TMEM63C: variants seen among roughly 807,000 people sequenced by gnomAD.
TMEM63C encodes transmembrane protein 63C.
Under a neutral mutation model 99.2 loss-of-function variants are expected in TMEM63C, and 32 were observed. The ratio of observed to expected loss-of-function variants is 0.32; its 90% CI spans 0.24 to 0.43. The LOEUF is 0.43. TMEM63C is among the 20% of genes least tolerant of loss of function. TMEM63C has a pLI of 1.00. For missense variants in TMEM63C, 826 were observed against 1,053.0 expected (o/e 0.78, Z 2.98); for synonymous variants, 376 against 397.9 (o/e 0.94, Z 0.66).
At position 77,244,256 on chromosome 14, in the gene TMEM63C, C is replaced by T. The variant is rs1159768818; in HGVS notation, c.1342-93C>T. On this transcript the variant is annotated intron_variant, in intron 15 of 23. Coordinates refer to ENST00000298351, the MANE Select transcript of TMEM63C (RefSeq NM_020431.4). ...CCCTTGCAGCCTCCAGGAGAGCAAG[C>T]CAGCCCTGGGAGTGAGTGGGAGGAG... 5 of 994,792 alleles carry T rather than the reference C, an allele frequency of 5.0e-6. No individual in the cohort carries two copies. The East Asian group carries it at 7.2e-5, about 14-fold the overall frequency. The allele number at this position is 994,792 out of a possible 1,614,324, so 61.6% of individuals were successfully genotyped here. A position where few individuals can be genotyped will look rare whatever the true frequency, so the allele number is the denominator to read the frequency against.
At chr14:77,197,163 G>A (rs1472959550) in intron 1 of TMEM63C, among the ~76,000 whole-genome samples, 1 of 152,238 alleles carries the variant, frequency 6.6e-6, no homozygotes, top group African/African-American at 2.4e-5. Context: ...CTATTTGAGA[G>A]TGTCTCAAAT....
At chr14:77,182,678 T>G (rs2540895) in intron 1 of TMEM63C, among the ~76,000 whole-genome samples, 9,554 of 152,204 alleles carry the variant, frequency 0.063, 384 homozygotes, top group East Asian at 0.1. Flanking sequence ...TCCCTGAGAA[T>G]GCAGGGAGTT....
chr14:77,182,008 GCTTT>G (rs1887922992), intron 1 of TMEM63C, 114 bp downstream of exon 1: 1 of 152,556 alleles, frequency 6.6e-6, no homozygotes, highest in African/African-American at 2.4e-5. Flanking sequence ...TTGTTTCTGT[GCTTT>G]CTGAGACCTT....
chr14:77,244,239 G>A, intron 15 of TMEM63C, 110 bp from the exon 16 acceptor site: 1 of 821,340 alleles, frequency 1.2e-6, no homozygotes, highest in Non-Finnish European at 2.0e-6. Flanking sequence ...GCCCCTTGCA[G>A]CCTCCAGGAG....
intron 1 of TMEM63C, among the ~76,000 whole-genome samples, chr14:77,191,459 C>T (rs1594848176): frequency 1.4e-5 from 2 of 145,076 alleles, no homozygotes; most frequent in South Asian, 4.4e-4. Context: ...TTGCATATGT[C>T]TATTAGGTAC....
At chr14:77,226,379 G>T (rs1005619070) in intron 6 of TMEM63C, among the ~76,000 whole-genome samples, 2 of 152,198 alleles carry the variant, frequency 1.3e-5, no homozygotes, top group South Asian at 2.1e-4. Context: ...AGCTTAATGC[G>T]TTTACTGAGC....
At chr14:77,194,528 TC>T (rs1888175372) in intron 1 of TMEM63C, among the ~76,000 whole-genome samples, 1 of 41,376 alleles carries the variant, frequency 2.4e-5, no homozygotes, top group African/African-American at 1.2e-4. Flanking sequence ...TTTCTTTCTT[TC>T]TTTCTTTCTT....
Position 77,248,892 on chromosome 14 carries a change from T to A in TMEM63C, c.1870+20T>A. ...CTTTTGGTGAGTCATCTCCAAGGCA[T>A]GCCCAAGGGCTGCACATCCGCAGAT... is the stretch of plus-strand genomic sequence containing the variant. On this transcript the variant is annotated intron_variant, in intron 20 of 23. Coordinates refer to ENST00000298351, the MANE Select transcript of TMEM63C (RefSeq NM_020431.4). 1 of 1,595,686 alleles carries A rather than the reference T, an allele frequency of 6.3e-7. No individual in the cohort carries two copies. Among genetic ancestry groups the A allele is most frequent in the Non-Finnish European group, 8.6e-7 (1 of 1,163,216 alleles).
chr14:77,232,757 G>C (rs1302358735), intron 7 of TMEM63C, among the ~76,000 whole-genome samples: 1 of 152,200 alleles, frequency 6.6e-6, no homozygotes, highest in Non-Finnish European at 1.5e-5. Flanking sequence ...TCATGAAGCT[G>C]AATGGAGCTG....
At chr14:77,224,158 C>T (rs1888775173) in intron 5 of TMEM63C, among the ~76,000 whole-genome samples, 2 of 152,036 alleles carry the variant, frequency 1.3e-5, no homozygotes, top group African/African-American at 4.8e-5. Flanking sequence ...CAACCCAACA[C>T]AGGGAAGGGG....
chr14:77,206,395 G>A (rs1338911297), intron 1 of TMEM63C, among the ~76,000 whole-genome samples: 1 of 152,200 alleles, frequency 6.6e-6, no homozygotes, highest in Non-Finnish European at 1.5e-5. Context: ...CTGACCTGGG[G>A]TGGAGCAGGG....
chr14:77,205,837 C>G (rs1261771666), intron 1 of TMEM63C, among the ~76,000 whole-genome samples: 1 of 151,322 alleles, frequency 6.6e-6, no homozygotes, highest in Non-Finnish European at 1.5e-5. Context: ...GGGAGCTGTG[C>G]AGAAGCTCGG....
At chr14:77,209,232 A>G (rs754717419) in intron 1 of TMEM63C, among the ~76,000 whole-genome samples, 3 of 152,194 alleles carry the variant, frequency 2.0e-5, no homozygotes, top group Non-Finnish European at 4.4e-5. Context: ...GATAAACAAT[A>G]GAGCCAGATT....
intron 16 of TMEM63C, 146 bp downstream of exon 16, chr14:77,244,601 C>A: frequency 3.0e-6 from 2 of 662,704 alleles, no homozygotes; most frequent in East Asian, 2.6e-5. Flanking sequence ...TGAAACCATC[C>A]CCAAAGACCA....
intron 1 of TMEM63C, among the ~76,000 whole-genome samples, chr14:77,202,861 ACACACGCACACACACC>A (rs1566618344): frequency 2.8e-5 from 2 of 70,396 alleles, no homozygotes; most frequent in East Asian, 1.3e-3. Context: ...ACACACACAC[ACACACGCACACACACC>A]CCTCTACCTG....
intron 1 of TMEM63C, among the ~76,000 whole-genome samples, chr14:77,210,609 AGAGTAAACCTCACT>A (rs1393688185): frequency 6.6e-6 from 1 of 152,028 alleles, no homozygotes; most frequent in Admixed American, 6.5e-5. Flanking sequence ...CCTAGCCATG[AGAGTAAACCTCACT>A]GAGAGGGGGT....
In TMEM63C at chr14:77,244,426, C is replaced by G. The variant is rs1889234832; in HGVS notation, c.1419C>G (p.Phe473Leu). Reference sequence around the variant, plus strand: ...TGATACTGCCTCTGATTGTCTACTTCTCCGCCTTCCTCGAGGCCCACTGGA... The same window carrying G: ...TGATACTGCCTCTGATTGTCTACTTGTCCGCCTTCCTCGAGGCCCACTGGA... Reference protein sequence around the residue: ...FTVILPLIVYFSAFLEAHWTR... With the variant: ...FTVILPLIVYLSAFLEAHWTR... Residue 473 changes from phenylalanine (F) to leucine (L), a missense_variant, in exon 16 of 24, where the codon TTC becomes TTG. Phe to Leu is a conservative substitution (Grantham distance 22). Coordinates refer to ENST00000298351, the MANE Select transcript of TMEM63C (RefSeq NM_020431.4). The G allele has an allele frequency of 6.2e-7, 1 of 1,613,936 alleles. No homozygotes were observed. The highest frequency in any genetic ancestry group is 1.1e-5 in the South Asian group (1 of 91,086).
chr14:77,256,481 C>T (rs1221111189), intron 23 of TMEM63C, 45 bp from the exon 24 acceptor site: 1 of 1,600,258 alleles, frequency 6.2e-7, no homozygotes, highest in Admixed American at 1.7e-5. Flanking sequence ...AGGGCCTTGC[C>T]CCCAACGTGA....
chr14:77,247,222 A>G (rs985911258), intron 18 of TMEM63C, among the ~76,000 whole-genome samples: 1 of 151,484 alleles, frequency 6.6e-6, no homozygotes, highest in Non-Finnish European at 1.5e-5. Flanking sequence ...TTTTTTTGAG[A>G]CCAAGTCTCA....
Sources: gnomAD v4.1 joint callset for allele counts (sites outside exome capture counted in the v4.1 genomes callset) on GRCh38, gnomAD v4.1.1 for gene constraint, MANE v1.5 for transcripts, NCBI Gene and HGNC (gene_info 2026-07-23, HGNC 2026-07-21) for gene names.